FAM168B: variants seen among roughly 807,000 people sequenced by gnomAD.
FAM168B encodes myelin-associated neurite-outgrowth inhibitor.
Under a neutral mutation model 21.8 loss-of-function variants are expected in FAM168B, and 19 were observed. The observed-to-expected ratio is 0.87, with a 90% confidence interval of 0.61 to 1.28. The LOEUF (loss-of-function observed/expected upper bound fraction) is 1.28. FAM168B is among the 50% of genes most tolerant of loss of function. The pLI, the probability that FAM168B is intolerant of heterozygous loss-of-function variation, is 0.00. For missense variants in FAM168B, 233 were observed against 263.1 expected, an observed-to-expected ratio of 0.89 and a Z score of 0.79; for synonymous variants, 126 against 104.8, an observed-to-expected ratio of 1.20 and a Z score of -1.24.
intron 2 of FAM168B, among the ~76,000 whole-genome samples, chr2:131,076,170 C>T (rs564414643): frequency 6.6e-6 from 1 of 152,274 alleles, no homozygotes; most frequent in African/African-American, 2.4e-5. Flanking sequence ...AGTGAATCTG[C>T]AGGGTTCCAA....
intron 2 of FAM168B, among the ~76,000 whole-genome samples, chr2:131,081,539 ATC>A (rs915456527): frequency 1.3e-5 from 2 of 152,156 alleles, no homozygotes; most frequent in African/African-American, 4.8e-5. Context: ...CTTAGTAAAG[ATC>A]TCCCGCTTCT....
At position 131,052,940 on chromosome 2, in the gene FAM168B, C is replaced by G. The variant is rs1344786331; in HGVS notation, c.551G>C (p.Gly184Ala). Residue 184 changes from glycine (G) to alanine (A), a missense_variant, in exon 6 of 7, where the codon GGA (glycine) becomes GCA (alanine). Gly to Ala is a moderately conservative substitution (Grantham distance 60). Coordinates refer to ENST00000389915, the MANE Select transcript of FAM168B (RefSeq NM_001009993.4). ...PVTVPTYRAP[G>A]TPTYSYVPPQ... ...GGGCACATAGCTGTAAGTGGGCGTT[C>G]CTGGGGCCCGGTACGTGGGCACAGT... is the stretch of plus-strand genomic sequence containing the variant. 1 of 1,563,974 alleles carries G rather than the reference C, an allele frequency of 6.4e-7. No individual in the cohort carries two copies. Among genetic ancestry groups the G allele is most frequent in the East Asian group, 2.4e-5 (1 of 42,320 alleles).
At chr2:131,087,758 T>G (rs1293267588) in intron 1 of FAM168B, among the ~76,000 whole-genome samples, 1 of 152,148 alleles carries the variant, frequency 6.6e-6, no homozygotes, top group Admixed American at 6.6e-5. Context: ...AGTTACCACA[T>G]GACCCCACAA....
In FAM168B at chr2:131,049,599, G is replaced by A. The variant is rs1027011760; in HGVS notation, c.*2866C>T. The A allele has an allele frequency of 1.8e-5, 18 of 985,332 alleles. No homozygotes were observed. The highest frequency in any genetic ancestry group is 1.7e-4 in the African/African-American group (10 of 57,218). The allele number at this position is 985,332 out of a possible 1,614,324, so 61.0% of individuals were successfully genotyped here. A position where few individuals can be genotyped will look rare whatever the true frequency, so the allele number is the denominator to read the frequency against. On this transcript the variant is annotated 3_prime_UTR_variant, in exon 7 of 7. Coordinates refer to ENST00000389915, the MANE Select transcript of FAM168B (RefSeq NM_001009993.4). ...CCTCCATGAGCAGAGAAACTGCAGCGGCTGAACACACTCCCCAAGCCTCAG... is the reference window on the plus strand; with the variant it reads ...CCTCCATGAGCAGAGAAACTGCAGCAGCTGAACACACTCCCCAAGCCTCAG...
chr2:131,049,224 C>T lies in FAM168B; in HGVS notation c.*3241G>A, dbSNP rs1346801428. 3.0e-6 allele frequency: 3 copies of T among 985,410 alleles called. No homozygotes were observed. The highest frequency in any genetic ancestry group is 3.6e-6 in the Non-Finnish European group (3 of 829,940). 61.0% of individuals were successfully genotyped at this position (985,410 alleles called of 1,614,324 possible). ...AAATTATTTCCTAGACCTCATTCAT[C>T]ACAGCCAGATGATGCCACCAGAAAG... On this transcript the variant is annotated 3_prime_UTR_variant, in exon 7 of 7. Transcript: ENST00000389915.
At chr2:131,080,836 A>AT (rs959238400) in intron 2 of FAM168B, among the ~76,000 whole-genome samples, 3 of 149,724 alleles carry the variant, frequency 2.0e-5, no homozygotes, top group African/African-American at 4.9e-5. Context: ...TGCCTGGCTA[A>AT]TTTTTTTTTG....
intron 3 of FAM168B, among the ~76,000 whole-genome samples, chr2:131,069,717 T>C (rs1692766251): frequency 6.6e-6 from 1 of 151,258 alleles, no homozygotes; most frequent in African/African-American, 2.4e-5. Flanking sequence ...ATGGTCTCGA[T>C]CTCCTGACCT....
chr2:131,055,919 A>G (rs1440741348), intron 3 of FAM168B, among the ~76,000 whole-genome samples: 1 of 152,232 alleles, frequency 6.6e-6, no homozygotes. Flanking sequence ...GGAGGAGGAA[A>G]AAATACCAAA....
At chr2:131,091,894 T>A (rs1268121891) in intron 1 of FAM168B, among the ~76,000 whole-genome samples, 1 of 149,794 alleles carries the variant, frequency 6.7e-6, no homozygotes, top group African/African-American at 2.5e-5. Context: ...CTTTGGAAGG[T>A]CGAGGCGGGC....
intron 3 of FAM168B, among the ~76,000 whole-genome samples, chr2:131,065,807 G>GAAAAAAAAAAAAA (rs796177546): frequency 3.2e-5 from 3 of 94,840 alleles, no homozygotes; most frequent in Non-Finnish European, 4.6e-5. Flanking sequence ...AAGAAAAAAA[G>GAAAAAAAAAAAAA]AAAAAAAAAA....
At chr2:131,076,316 C>T (rs923526117) in intron 2 of FAM168B, among the ~76,000 whole-genome samples, 3 of 152,094 alleles carry the variant, frequency 2.0e-5, no homozygotes, top group African/African-American at 4.8e-5. Context: ...AAAGGCCAGA[C>T]TCCCTACATC....
chr2:131,078,061 A>C (rs1170027703), intron 2 of FAM168B, among the ~76,000 whole-genome samples: 1 of 152,236 alleles, frequency 6.6e-6, no homozygotes, highest in Non-Finnish European at 1.5e-5. Flanking sequence ...CCTTCCCAGC[A>C]AAAGAAGACA....
chr2:131,077,159 C>A (rs534206744), intron 2 of FAM168B, among the ~76,000 whole-genome samples: 2 of 150,272 alleles, frequency 1.3e-5, no homozygotes, highest in East Asian at 2.0e-4. Flanking sequence ...AGGAAACTGG[C>A]TCAATCAACT....
At chr2:131,081,669 A>G (rs2105566884) in intron 2 of FAM168B, among the ~76,000 whole-genome samples, 1 of 152,144 alleles carries the variant, frequency 6.6e-6, no homozygotes, top group South Asian at 2.1e-4. Flanking sequence ...AAGAAGTCTC[A>G]CTCTCATTCC....
Position 131,071,888 on chromosome 2 carries a change from T to A in FAM168B, c.121A>T (p.Met41Leu), listed in dbSNP as rs573899977. ...AAAAPAYSPN[M>L]YPGANPTFQT... The stretch of plus-strand genomic sequence containing the variant: ...AAGGTAGGATTCGCTCCAGGATACA[T>A]GTTAGGAGAATAGGCAGGAGCTGCT... Residue 41 changes from methionine (M) to leucine (L), a missense_variant, in exon 3 of 7, where the codon ATG becomes TTG. By Grantham distance (15) the Met-to-Leu change is conservative (BLOSUM62 2). Coordinates refer to ENST00000389915, the MANE Select transcript of FAM168B (RefSeq NM_001009993.4). The A allele has an allele frequency of 6.2e-7, 1 of 1,613,880 alleles. No homozygotes were observed. Among genetic ancestry groups the A allele is most frequent in the African/African-American group, 1.3e-5 (1 of 75,020 alleles).
intron 5 of FAM168B, among the ~76,000 whole-genome samples, chr2:131,054,192 G>T (rs1479458320): frequency 6.7e-6 from 1 of 150,158 alleles, no homozygotes; most frequent in African/African-American, 2.5e-5. Flanking sequence ...TTGGCTGACA[G>T]GATGAGACCC....
At chr2:131,054,755 T>C (rs1431005771) in intron 5 of FAM168B, among the ~76,000 whole-genome samples, 2 of 152,160 alleles carry the variant, frequency 1.3e-5, no homozygotes, top group Non-Finnish European at 2.9e-5. Flanking sequence ...GCCTCATCTT[T>C]CCATGGTTTA....
chr2:131,049,879 A>T lies in FAM168B; in HGVS notation c.*2586T>A. On this transcript the variant is annotated 3_prime_UTR_variant, in exon 7 of 7. Transcript: ENST00000389915. ...CTATTTCTTAATTGACTTTAATTTT[A>T]CTAGAAGCGAATGTTGATAAAATTA... 6.1e-6 allele frequency: 6 copies of T among 985,748 alleles called. No individual in the cohort carries two copies. Among genetic ancestry groups the T allele is most frequent in the Non-Finnish European group, 7.2e-6 (6 of 829,940 alleles). 61.1% of individuals were successfully genotyped at this position (985,748 alleles called of 1,614,324 possible).
Position 131,052,033 on chromosome 2 carries a change from A to C in FAM168B, c.*432T>G. ...TCACTTTAACACTTATAACTGTAAGACTTTGCATACATTACAACAGTGCAT... is the reference window on the plus strand; with the variant it reads ...TCACTTTAACACTTATAACTGTAAGCCTTTGCATACATTACAACAGTGCAT... On this transcript the variant is annotated 3_prime_UTR_variant, in exon 7 of 7. Transcript: ENST00000389915. 1.0e-6 allele frequency: 1 copy of C among 985,744 alleles called. No homozygotes were observed. Among genetic ancestry groups the C allele is most frequent in the Non-Finnish European group, 1.2e-6 (1 of 829,940 alleles). The allele number at this position is 985,744 out of a possible 1,614,324, so 61.1% of individuals were successfully genotyped here. A position where few individuals can be genotyped will look rare whatever the true frequency, so the allele number is the denominator to read the frequency against.
Sources: gnomAD v4.1 joint callset for allele counts (sites outside exome capture counted in the v4.1 genomes callset) on GRCh38, gnomAD v4.1.1 for gene constraint, MANE v1.5 for transcripts, NCBI Gene and HGNC (gene_info 2026-07-23, HGNC 2026-07-21) for gene names.